Variants in NAALADL2 observed in about 807,000 individuals in gnomAD.
NAALADL2 encodes N-acetylated alpha-linked acidic dipeptidase like 2.
In NAALADL2, 76 loss-of-function variants were observed where a neutral mutation model predicts 87.2. The ratio of observed to expected loss-of-function variants is 0.87; its 90% CI spans 0.72 to 1.05. NAALADL2 has a LOEUF of 1.05. Ranked by LOEUF, NAALADL2 falls within the 50% of genes least tolerant of loss-of-function variation. The pLI is 0.00. For missense variants in NAALADL2, 1,089 were observed against 945.8 expected (o/e 1.15, Z -1.99); for synonymous variants, 354 against 331.0 (o/e 1.07, Z -0.75).
At chr3:175,279,449 T>C (rs1753994264) in intron 4 of NAALADL2, among the ~76,000 whole-genome samples, 1 of 152,122 alleles carries the variant, frequency 6.6e-6, no homozygotes, top group East Asian at 1.9e-4. Flanking sequence ...GTGCTGATGC[T>C]TTTGGTTGAA....
rs147871589 is a variant in NAALADL2, at chr3:175,582,325, G to T, written c.1800+6138G>T. Among the ~76,000 whole-genome samples, 919 of 152,182 alleles carry T rather than the reference G, an allele frequency of 6.0e-3. 7 individuals are homozygous for T. Among genetic ancestry groups the T allele is most frequent in the African/African-American group, 0.021 (881 of 41,546 alleles). On this transcript the variant is annotated intron_variant, in intron 10 of 13. Transcript: ENST00000454872. ...AATATTTTGAAATGGCTGCAAGGAG[G>T]ACAGCTTTCCCTTAGCAGTTGTCCT...
At chr3:175,742,870 G>A (rs1745431769) in intron 12 of NAALADL2, among the ~76,000 whole-genome samples, 1 of 152,166 alleles carries the variant, frequency 6.6e-6, no homozygotes, top group Non-Finnish European at 1.5e-5. Context: ...TAAGATCTCT[G>A]TTCAGATTAT....
intron 9 of NAALADL2, among the ~76,000 whole-genome samples, chr3:175,549,551 C>A (rs946003842): frequency 1.3e-5 from 2 of 151,824 alleles, no homozygotes; most frequent in African/African-American, 2.4e-5. Context: ...GATGACAATA[C>A]AGCTTTTTGG....
Position 174,907,456 on chromosome 3 carries a change from A to G in NAALADL2, c.43+48006A>G, listed in dbSNP as rs532743385. 3.3e-5 allele frequency among the ~76,000 whole-genome samples: 5 copies of G among 152,188 alleles called. No individual in the cohort carries two copies. In the South Asian group the frequency reaches 6.2e-4, roughly 19 times the overall value. ...GCCCAGGTCTTGAACATTTTCATGT[A>G]TAAATTCCAAAATGGGATAGTTCAT... On this transcript the variant is annotated intron_variant, in intron 1 of 13. Transcript: ENST00000454872.
intron 6 of NAALADL2, among the ~76,000 whole-genome samples, chr3:175,449,464 C>T (rs574440396): frequency 1.1e-3 from 163 of 147,402 alleles, no homozygotes; most frequent in African/African-American, 3.7e-3. Flanking sequence ...GGCACAGTCT[C>T]GGCTCACTGC....
intron 11 of NAALADL2, among the ~76,000 whole-genome samples, chr3:175,708,017 A>G (rs1739979375): frequency 6.6e-6 from 1 of 152,036 alleles, no homozygotes; most frequent in Non-Finnish European, 1.5e-5. Context: ...AAAAAAACAA[A>G]CAAACGAACA....
At position 175,666,538 on chromosome 3, in the gene NAALADL2, G is replaced by A. The variant is rs74494883; in HGVS notation, c.1896+39152G>A. 6.7e-3 allele frequency among the ~76,000 whole-genome samples: 1,015 copies of A among 152,060 alleles called. 16 individuals are homozygous for A. The highest frequency in any genetic ancestry group is 0.024 in the African/African-American group (981 of 41,478). ...TTTCTCAAATCGTGTGCATATCCAG[G>A]CACCAATATAACATGAAAAGCTTCT... On this transcript the variant is annotated intron_variant, in intron 11 of 13. Transcript: ENST00000454872.
At chr3:174,677,437 G>T (rs1204057471) in intron 2 of NAALADL2, among the ~76,000 whole-genome samples, 1 of 151,606 alleles carries the variant, frequency 6.6e-6, no homozygotes, top group East Asian at 1.9e-4. Flanking sequence ...AATAACATTT[G>T]GTATTTTTTC....
intron 2 of NAALADL2, among the ~76,000 whole-genome samples, chr3:174,705,133 C>T (rs1179188002): frequency 6.6e-6 from 1 of 152,058 alleles, no homozygotes; most frequent in Non-Finnish European, 1.5e-5. Context: ...GGACAGGATG[C>T]CATTCTGTCA....
intron 3 of NAALADL2, among the ~76,000 whole-genome samples, chr3:174,816,820 C>T (rs780758748): frequency 6.6e-5 from 10 of 152,090 alleles, no homozygotes; most frequent in Non-Finnish European, 1.3e-4. Context: ...TAGTATTGGT[C>T]ATTGCAAGGC....
At chr3:175,191,568 A>G (rs9832253) in intron 2 of NAALADL2, among the ~76,000 whole-genome samples, 4,500 of 152,244 alleles carry the variant, frequency 0.03, 206 homozygotes, top group African/African-American at 0.1. Flanking sequence ...CACCCCCTGA[A>G]TGATATATTT....
At chr3:175,786,972 T>C (rs894978596) in intron 13 of NAALADL2, among the ~76,000 whole-genome samples, 2 of 152,088 alleles carry the variant, frequency 1.3e-5, no homozygotes, top group Non-Finnish European at 2.9e-5. Flanking sequence ...TACCCTGCCA[T>C]GTGAGGTGTC....
chr3:175,185,577 G>A (rs1387958067), intron 2 of NAALADL2, among the ~76,000 whole-genome samples: 4 of 151,704 alleles, frequency 2.6e-5, no homozygotes, highest in Non-Finnish European at 5.9e-5. Context: ...ATGTACATAT[G>A]CATAAAAGCA....
chr3:175,080,382 G>GTAGTTTT (rs533571814), intron 1 of NAALADL2, among the ~76,000 whole-genome samples: 19 of 152,306 alleles, frequency 1.2e-4, no homozygotes, highest in African/African-American at 4.1e-4. Flanking sequence ...TGCAATGAAA[G>GTAGTTTT]TAGTTTTCAG....
chr3:175,139,561 A>G (rs1729674900), intron 2 of NAALADL2, among the ~76,000 whole-genome samples: 1 of 152,098 alleles, frequency 6.6e-6, no homozygotes, highest in Non-Finnish European at 1.5e-5. Context: ...GATGATTCAT[A>G]TATCTTCCCT....
intron 2 of NAALADL2, among the ~76,000 whole-genome samples, chr3:175,197,466 A>C (rs1459657162): frequency 6.6e-6 from 1 of 151,958 alleles, no homozygotes; most frequent in African/African-American, 2.4e-5. Context: ...AAATCACCAA[A>C]AATTTTTCCA....
At chr3:174,923,313 C>T (rs1269448429) in intron 1 of NAALADL2, among the ~76,000 whole-genome samples, 2 of 151,988 alleles carry the variant, frequency 1.3e-5, no homozygotes, top group African/African-American at 4.8e-5. Flanking sequence ...GATTTTAACC[C>T]ATAGAATTAA....
At chr3:175,762,692 C>T (rs1583149400) in intron 13 of NAALADL2, among the ~76,000 whole-genome samples, 1 of 152,266 alleles carries the variant, frequency 6.6e-6, no homozygotes, top group Admixed American at 6.5e-5. Context: ...TTGTCCTTCC[C>T]TTTATTAAAC....
intron 2 of NAALADL2, among the ~76,000 whole-genome samples, chr3:174,606,858 C>T (rs1431042935): frequency 6.6e-6 from 1 of 152,070 alleles, no homozygotes; most frequent in African/African-American, 2.4e-5. Flanking sequence ...AACTCCAAGA[C>T]ACATAATCGT....
Sources: gnomAD v4.1 joint callset for allele counts (sites outside exome capture counted in the v4.1 genomes callset) on GRCh38, gnomAD v4.1.1 for gene constraint, MANE v1.5 for transcripts, NCBI Gene and HGNC (gene_info 2026-07-23, HGNC 2026-07-21) for gene names.